The following NFIB variants were observed in gnomAD, a reference collection of about 807,000 sequenced individuals.
NFIB encodes nuclear factor I B.
A neutral mutation model predicts 61.5 loss-of-function variants in NFIB; 11 were observed. That is an observed-to-expected ratio of 0.18 (90% CI 0.11 to 0.30). The LOEUF is 0.30. Ranked by LOEUF, NFIB falls within the 10% of genes least tolerant of loss-of-function variation. The pLI is 1.00. For synonymous variants in NFIB, 260 were observed against 216.5 expected, an observed-to-expected ratio of 1.20 and a Z score of -1.76; for missense variants, 471 against 608.9, an observed-to-expected ratio of 0.77 and a Z score of 2.38.
At chr9:14,272,803 A>AATAT (rs1231032482) in intron 2 of NFIB, among the ~76,000 whole-genome samples, 2 of 151,970 alleles carry the variant, frequency 1.3e-5, no homozygotes, top group Admixed American at 1.3e-4. Context: ...TTTGAGGTTT[A>AATAT]ATATATTATG....
chr9:14,428,478 T>C, the NFIB span, among the ~76,000 whole-genome samples: 1 of 152,108 alleles, frequency 6.6e-6, no homozygotes, highest in Non-Finnish European at 1.5e-5. Context: ...TGGGGGGACG[T>C]GCATTCAAGA....
chr9:14,492,659 G>C, the NFIB span, among the ~76,000 whole-genome samples: 11 of 152,224 alleles, frequency 7.2e-5, no homozygotes, highest in Non-Finnish European at 1.5e-4. Context: ...CAAAGGGATG[G>C]TGTTAACCCA....
intron 8 of NFIB, among the ~76,000 whole-genome samples, chr9:14,119,049 A>G (rs921694269): frequency 3.9e-5 from 6 of 152,074 alleles, no homozygotes; most frequent in Admixed American, 2.6e-4. Context: ...GATTTTCCAC[A>G]CTGAATTAAC....
At chr9:14,483,790 T>G in the NFIB span, among the ~76,000 whole-genome samples, 1 of 152,222 alleles carries the variant, frequency 6.6e-6, no homozygotes, top group African/African-American at 2.4e-5. Context: ...GCACTTTGAT[T>G]CTTTGCTGAA....
At chr9:14,412,899 G>A in the NFIB span, among the ~76,000 whole-genome samples, 1 of 152,148 alleles carries the variant, frequency 6.6e-6, no homozygotes, top group African/African-American at 2.4e-5. Context: ...AAGTGGGGTG[G>A]TGTCTGGTTA....
At chr9:14,312,969 G>C (rs1254572869) in intron 1 of NFIB, among the ~76,000 whole-genome samples, 1 of 152,190 alleles carries the variant, frequency 6.6e-6, no homozygotes, top group East Asian at 1.9e-4. Flanking sequence ...CACAACCTCC[G>C]ACTCGATTCG....
chr9:14,328,458 C>A (rs1333789657), intron 1 of NFIB, among the ~76,000 whole-genome samples: 2 of 151,670 alleles, frequency 1.3e-5, no homozygotes, highest in African/African-American at 4.8e-5. Context: ...CCTGAGCTGC[C>A]CTTAATATAT....
the NFIB span, among the ~76,000 whole-genome samples, chr9:14,424,488 G>C: frequency 6.6e-6 from 1 of 152,054 alleles, no homozygotes; most frequent in African/African-American, 2.4e-5. Context: ...AAACTTATTC[G>C]AGCTTGAAAC....
chr9:14,175,316 G>C (rs1162700976), intron 3 of NFIB, among the ~76,000 whole-genome samples: 1 of 151,616 alleles, frequency 6.6e-6, no homozygotes, highest in African/African-American at 2.4e-5. Flanking sequence ...TGAGACTACA[G>C]GCGCCCGCCA....
intron 3 of NFIB, among the ~76,000 whole-genome samples, chr9:14,157,287 C>G (rs896225696): frequency 6.6e-6 from 1 of 152,122 alleles, no homozygotes; most frequent in Non-Finnish European, 1.5e-5. Context: ...TTTACCAGAA[C>G]AAAAGGCACC....
chr9:14,466,666 C>T, the NFIB span, among the ~76,000 whole-genome samples: 8 of 152,222 alleles, frequency 5.3e-5, no homozygotes, highest in African/African-American at 1.9e-4. Flanking sequence ...TTTCTCCTCT[C>T]TTCTTTCTCC....
intron 1 of NFIB, among the ~76,000 whole-genome samples, chr9:14,388,495 G>C (rs1409270858): frequency 6.6e-6 from 1 of 151,128 alleles, no homozygotes; most frequent in Non-Finnish European, 1.5e-5. Context: ...AAGAGAGAGA[G>C]AGAGAAAGTA....
chr9:14,519,618 G>A, the NFIB span, among the ~76,000 whole-genome samples: 10 of 151,990 alleles, frequency 6.6e-5, no homozygotes, highest in African/African-American at 9.7e-5. Context: ...ATTTTACTGC[G>A]GTGCGTTGTG....
the NFIB span, among the ~76,000 whole-genome samples, chr9:14,409,828 AG>A: frequency 6.6e-6 from 1 of 152,240 alleles, no homozygotes; most frequent in African/African-American, 2.4e-5. Flanking sequence ...TGATAAGAGA[AG>A]GTATTATAAA....
At chr9:14,443,080 G>C in the NFIB span, among the ~76,000 whole-genome samples, 1 of 129,350 alleles carries the variant, frequency 7.7e-6, no homozygotes, top group African/African-American at 3.1e-5. Flanking sequence ...TGTTGCTTCT[G>C]TCCTTCCCAG....
chr9:14,414,341 A>G, the NFIB span, among the ~76,000 whole-genome samples: 1 of 151,004 alleles, frequency 6.6e-6, no homozygotes, highest in Non-Finnish European at 1.5e-5. Context: ...AGGCTGAGGC[A>G]GGAGAATTGC....
At chr9:14,131,037 A>G (rs2040340895) in intron 6 of NFIB, among the ~76,000 whole-genome samples, 1 of 151,714 alleles carries the variant, frequency 6.6e-6, no homozygotes, top group South Asian at 2.1e-4. Flanking sequence ...ACAGAAATGC[A>G]TTAAATAGTT....
chr9:14,332,430 T>C (rs2060833932), intron 1 of NFIB, among the ~76,000 whole-genome samples: 1 of 151,798 alleles, frequency 6.6e-6, no homozygotes, highest in Non-Finnish European at 1.5e-5. Context: ...TTGAAGTTTC[T>C]GGGGGGCAGT....
At chr9:14,357,937 G>T (rs2061195217) in intron 1 of NFIB, 1 of 152,144 alleles carries the variant, frequency 6.6e-6, no homozygotes, top group Admixed American at 6.5e-5. Context: ...CCTAGAATAG[G>T]CAATTCTATA....
Sources: gnomAD v4.1 joint callset for allele counts (sites outside exome capture counted in the v4.1 genomes callset) on GRCh38, gnomAD v4.1.1 for gene constraint, MANE v1.5 for transcripts, NCBI Gene and HGNC (gene_info 2026-07-23, HGNC 2026-07-21) for gene names.